The following PPP2R5A variants were observed in gnomAD, a reference collection of about 807,000 sequenced individuals.
The protein encoded by PPP2R5A is protein phosphatase 2 regulatory subunit B'alpha.
Under a neutral mutation model 64.2 loss-of-function variants are expected in PPP2R5A, and 25 were observed. The ratio of observed to expected loss-of-function variants is 0.39; its 90% CI spans 0.28 to 0.54. The LOEUF (loss-of-function observed/expected upper bound fraction) is 0.54. Ranked by LOEUF, PPP2R5A falls within the 20% of genes least tolerant of loss-of-function variation. The pLI is 0.67. For synonymous variants in PPP2R5A, 198 were observed against 201.2 expected (o/e 0.98, Z 0.13); for missense variants, 425 against 576.3 (o/e 0.74, Z 2.69).
rs185805756 is a variant in PPP2R5A, at chr1:212,302,436, T to G, written c.181+16145T>G. On this transcript the variant is annotated intron_variant, in intron 1 of 12. Transcript: ENST00000261461. ...AAAGACAAAACTAGTGGATTCTGTG[T>G]ATGTGTTGTATACACATTGGTGGTG... 3.2e-3 allele frequency among the ~76,000 whole-genome samples: 490 copies of G among 152,344 alleles called. 5 individuals carry two copies. The highest frequency in any genetic ancestry group is 0.011 in the African/African-American group (469 of 41,582).
At chr1:212,355,384 T>A (rs372021021) in intron 8 of PPP2R5A, among the ~76,000 whole-genome samples, 2 of 152,220 alleles carry the variant, frequency 1.3e-5, no homozygotes, top group East Asian at 1.9e-4. Context: ...GTTATCTTAC[T>A]GGATTGTCTC....
At chr1:212,321,264 G>A (rs1449341913) in intron 1 of PPP2R5A, among the ~76,000 whole-genome samples, 1 of 144,820 alleles carries the variant, frequency 6.9e-6, no homozygotes, top group Non-Finnish European at 1.5e-5. Flanking sequence ...CAGTAGGGGC[G>A]GCCGGGCAGA....
intron 1 of PPP2R5A, among the ~76,000 whole-genome samples, chr1:212,304,506 G>A (rs760474286): frequency 3.3e-5 from 5 of 151,868 alleles, no homozygotes; most frequent in Non-Finnish European, 5.9e-5. Flanking sequence ...CCGAGATCAC[G>A]CCATTACACT....
intron 1 of PPP2R5A, among the ~76,000 whole-genome samples, chr1:212,298,267 C>T (rs1382720107): frequency 3.2e-5 from 1 of 30,998 alleles, no homozygotes; most frequent in Non-Finnish European, 5.4e-5. Flanking sequence ...TTTTTCCCCA[C>T]CCTTCCCGCC....
chr1:212,300,023 A>G (rs1012858974), intron 1 of PPP2R5A, among the ~76,000 whole-genome samples: 1 of 152,162 alleles, frequency 6.6e-6, no homozygotes, highest in African/African-American at 2.4e-5. Context: ...CATGTTGGCC[A>G]TGCTGGTCTT....
intron 1 of PPP2R5A, chr1:212,319,391 G>T (rs1659218007): frequency 6.6e-6 from 1 of 152,224 alleles, no homozygotes; most frequent in Admixed American, 6.5e-5. Context: ...AATGCCAGGT[G>T]AGCAAGTTGT....
chr1:212,358,205 A>C (rs951527577), intron 11 of PPP2R5A: 1 of 152,450 alleles, frequency 6.6e-6, no homozygotes, highest in African/African-American at 2.4e-5. Flanking sequence ...TACTCCGTTA[A>C]TGCAGAGTTG....
intron 1 of PPP2R5A, among the ~76,000 whole-genome samples, chr1:212,304,281 G>A (rs1236535590): frequency 2.6e-5 from 4 of 152,048 alleles, no homozygotes; most frequent in African/African-American, 7.2e-5. Context: ...AGCCAGGTGC[G>A]GTGGCTCTCC....
At chr1:212,309,497 CCTT>C (rs1264254559) in intron 1 of PPP2R5A, 2 of 777,402 alleles carry the variant, frequency 2.6e-6, no homozygotes, top group African/African-American at 1.7e-5. Context: ...GCAGGAGCTT[CCTT>C]CTTCGCTTTC....
At chr1:212,325,358 G>C (rs1225916317) in intron 1 of PPP2R5A, among the ~76,000 whole-genome samples, 2 of 152,176 alleles carry the variant, frequency 1.3e-5, no homozygotes, top group African/African-American at 4.8e-5. Flanking sequence ...TGGAAAGATA[G>C]GGGAGGAAAT....
At chr1:212,297,681 T>C (rs1043415741) in intron 1 of PPP2R5A, 2 of 152,226 alleles carry the variant, frequency 1.3e-5, no homozygotes, top group African/African-American at 4.8e-5. Context: ...TCTTCTGATA[T>C]AAAAATGCTT....
At position 212,360,661 on chromosome 1, in the gene PPP2R5A, G is replaced by T. The variant is rs1412060471; in HGVS notation, c.1352G>T (p.Arg451Leu). Residue 451 changes from arginine (R) to leucine (L), a missense_variant, in exon 13 of 13, where the codon CGT (arginine) becomes CTT (leucine). By Grantham distance (102) the Arg-to-Leu change is moderately radical (BLOSUM62 -2). Transcript: ENST00000261461. The part of the protein sequence containing the change: ...RQREKKKELE[R>L]EELWKKLEEL... ...AGAGAGAAAAAGAAGGAATTGGAAC[G>T]TGAAGAATTATGGAAAAAATTAGAG... The T allele has an allele frequency of 2.5e-6, 4 of 1,574,856 alleles. No individual in the cohort carries two copies. Among genetic ancestry groups the T allele is most frequent in the Non-Finnish European group, 2.6e-6 (3 of 1,164,558 alleles).
At chr1:212,334,206 G>A (rs1659553647) in intron 3 of PPP2R5A, among the ~76,000 whole-genome samples, 1 of 151,994 alleles carries the variant, frequency 6.6e-6, no homozygotes, top group Non-Finnish European at 1.5e-5. Flanking sequence ...CCATCATTTG[G>A]CTATTGTGAA....
intron 1 of PPP2R5A, chr1:212,309,090 A>G: frequency 1.1e-6 from 1 of 870,268 alleles, no homozygotes; most frequent in Middle Eastern, 3.3e-4. Context: ...AAGCATTGTA[A>G]TCAGGAGCCA....
rs1198599806 is a variant in PPP2R5A at position 212,360,663 on chromosome 1, G to A, written c.1354G>A (p.Glu452Lys). 6.3e-7 allele frequency: 1 copy of A among 1,575,774 alleles called. No individual in the cohort carries two copies. Among genetic ancestry groups the A allele is most frequent in the Admixed American group, 2.0e-5 (1 of 49,800 alleles). Residue 452 changes from glutamate to lysine, a missense_variant, in exon 13 of 13, where the codon GAA (glutamate) becomes AAA (lysine). By Grantham distance (56) the Glu-to-Lys change is moderately conservative. Transcript: ENST00000261461. Reference protein sequence around the residue: ...QREKKKELEREELWKKLEELK... With the variant: ...QREKKKELERKELWKKLEELK... The stretch of plus-strand genomic sequence containing the variant: ...AGAGAAAAAGAAGGAATTGGAACGT[G>A]AAGAATTATGGAAAAAATTAGAGGA...
In PPP2R5A at chr1:212,356,942, T is replaced by A. The variant is rs201487051; in HGVS notation, c.979-8T>A. 1.1e-3 allele frequency: 1,721 copies of A among 1,531,400 alleles called. No homozygotes were observed. The highest frequency in any genetic ancestry group is 1.4e-3 in the Non-Finnish European group (1,555 of 1,130,952). The allele number at this position is 1,531,400 out of a possible 1,614,324, so 94.9% of individuals were successfully genotyped here. The stretch of plus-strand genomic sequence containing the variant: ...CATGTTTCTTAAAATAAAATTTTTT[T>A]AACCTAGGTGATGTTTTTAGGAGAA... On this transcript the variant is annotated splice_polypyrimidine_tract_variant and splice_region_variant and intron_variant, in intron 9 of 12. Transcript: ENST00000261461.
intron 8 of PPP2R5A, among the ~76,000 whole-genome samples, chr1:212,355,807 A>C (rs566551029): frequency 5.8e-4 from 88 of 152,218 alleles, no homozygotes; most frequent in Admixed American, 1.2e-3. Flanking sequence ...TGTTTATTTA[A>C]ATAAATAGTC....
rs1659982025 is a variant in PPP2R5A, at chr1:212,356,629, A to G, written c.931A>G (p.Ile311Val). 3 of 1,611,656 alleles carry G rather than the reference A, an allele frequency of 1.9e-6. No individual in the cohort carries two copies. The highest frequency in any genetic ancestry group is 2.5e-6 in the Non-Finnish European group (3 of 1,179,242). Residue 311 changes from isoleucine (I) to valine (V), a missense_variant, in exon 9 of 13, where the codon ATC becomes GTC. Coordinates refer to ENST00000261461, the MANE Select transcript of PPP2R5A (RefSeq NM_006243.4). ...CTAAACTTTTTCTTTTTCGCAGGTG[A>G]TCAGAGGACTGCTGAAATTTTGGCC... is the stretch of plus-strand genomic sequence containing the variant. ...EKDTTLTEPV[I>V]RGLLKFWPKT...
intron 1 of PPP2R5A, among the ~76,000 whole-genome samples, chr1:212,317,814 C>G (rs1337971020): frequency 6.6e-6 from 1 of 151,992 alleles, no homozygotes; most frequent in Admixed American, 6.6e-5. Flanking sequence ...GGTGAAACCT[C>G]GTCTCTACTA....
Sources: allele counts gnomAD v4.1 joint callset (sites outside exome capture counted in the v4.1 genomes callset), GRCh38; gene constraint gnomAD v4.1.1; transcripts MANE v1.5; gene names NCBI Gene and HGNC (gene_info 2026-07-23, HGNC 2026-07-21).